The following NSRP1 variants were observed in gnomAD, a reference collection of about 807,000 sequenced individuals.
The protein encoded by NSRP1 is coiled-coil domain containing 55.
Under a neutral mutation model 54.7 loss-of-function variants are expected in NSRP1, and 24 were observed. That is an observed-to-expected ratio of 0.44 (90% confidence interval 0.32 to 0.62). The LOEUF is 0.62. NSRP1 is among the 20% of genes least tolerant of loss of function. The probability of loss-of-function intolerance (pLI) is 0.06; values close to 1 mark genes in which losing one functional copy is unlikely to be tolerated. For synonymous variants in NSRP1, 210 were observed against 213.8 expected (o/e 0.98, Z 0.15); for missense variants, 596 against 651.2 (o/e 0.92, Z 0.92).
At chr17:30,164,967 C>A (rs1218859303) in intron 2 of NSRP1, among the ~76,000 whole-genome samples, 4 of 152,048 alleles carry the variant, frequency 2.6e-5, no homozygotes, top group Non-Finnish European at 4.4e-5. Flanking sequence ...TTTTAAACAG[C>A]TGTTTTTCCC....
intron 2 of NSRP1, among the ~76,000 whole-genome samples, chr17:30,140,240 A>G (rs1189513592): frequency 6.6e-6 from 1 of 152,230 alleles, no homozygotes; most frequent in Non-Finnish European, 1.5e-5. Context: ...CTTTGATAAG[A>G]ATGTCGTTAG....
chr17:30,158,022 G>A (rs1176761851), intron 2 of NSRP1, among the ~76,000 whole-genome samples: 3 of 152,086 alleles, frequency 2.0e-5, no homozygotes, highest in African/African-American at 7.2e-5. Context: ...AGATTGCTGG[G>A]TCTTAATGGT....
intron 2 of NSRP1, among the ~76,000 whole-genome samples, chr17:30,139,084 A>T (rs969213707): frequency 6.6e-6 from 1 of 151,212 alleles, no homozygotes; most frequent in Admixed American, 6.6e-5. Flanking sequence ...TGCCTAGCTA[A>T]TATTTTGTAT....
At chr17:30,174,436 A>G (rs1386930932) in intron 3 of NSRP1, among the ~76,000 whole-genome samples, 2 of 152,186 alleles carry the variant, frequency 1.3e-5, no homozygotes, top group Admixed American at 6.6e-5. Context: ...GAAGAATACT[A>G]GCTTGATTGC....
At chr17:30,167,563 C>T (rs1413516984) in intron 2 of NSRP1, among the ~76,000 whole-genome samples, 4 of 151,742 alleles carry the variant, frequency 2.6e-5, no homozygotes, top group Non-Finnish European at 5.9e-5. Context: ...GAGCCGAGAT[C>T]GCACCACTGC....
chr17:30,168,962 C>T (rs1279010525), intron 2 of NSRP1: 6 of 151,884 alleles, frequency 4.0e-5, no homozygotes, highest in Non-Finnish European at 7.4e-5. Context: ...CTGTTGAATT[C>T]TAGGGATATA....
chr17:30,127,188 G>A (rs1286570453), intron 2 of NSRP1, among the ~76,000 whole-genome samples: 1 of 152,190 alleles, frequency 6.6e-6, no homozygotes, highest in African/African-American at 2.4e-5. Flanking sequence ...TATTTAATGA[G>A]TGTTAAGTGA....
chr17:30,165,241 G>T (rs1468896178), intron 2 of NSRP1, among the ~76,000 whole-genome samples: 1 of 152,176 alleles, frequency 6.6e-6, no homozygotes, highest in Non-Finnish European at 1.5e-5. Context: ...GTACAATTAA[G>T]TATCTTGATT....
chr17:30,119,009 A>G (rs963342448), intron 2 of NSRP1, among the ~76,000 whole-genome samples: 3 of 151,958 alleles, frequency 2.0e-5, no homozygotes, highest in African/African-American at 7.2e-5. Context: ...CAGCTTCCCA[A>G]AGTGCTGGGA....
At chr17:30,133,551 T>C (rs2071721474) in intron 2 of NSRP1, among the ~76,000 whole-genome samples, 1 of 152,202 alleles carries the variant, frequency 6.6e-6, no homozygotes. Context: ...TTTAGCATAA[T>C]TTTTAAGGGC....
chr17:30,117,161 C>A, intron 1 of NSRP1: 1 of 715,454 alleles, frequency 1.4e-6, no homozygotes, highest in East Asian at 2.6e-5. Context: ...AGTCTTGCTT[C>A]CTAACCCGCG....
chr17:30,176,143 TACTG>T (rs781275756), intron 3 of NSRP1, among the ~76,000 whole-genome samples: 2 of 152,032 alleles, frequency 1.3e-5, no homozygotes, highest in Non-Finnish European at 2.9e-5. Flanking sequence ...TCTGTTCTGT[TACTG>T]AGAGGCATAT....
intron 2 of NSRP1, among the ~76,000 whole-genome samples, chr17:30,147,423 C>G (rs549817067): frequency 6.6e-6 from 1 of 152,002 alleles, no homozygotes; most frequent in African/African-American, 2.4e-5. Flanking sequence ...AGCCACTGCA[C>G]TCGGCCAGAC....
Position 30,118,078 on chromosome 17 carries a change from AG to A in NSRP1, c.21del. ...TTTCTATTTCAAAAAAAATATATGC[AG>A]GTATGGGCTTATTTTGCCAAAGAAA... On this transcript the variant is annotated splice_acceptor_variant, in intron 1 of 6. Transcript: ENST00000247026. LOFTEE classifies it high-confidence loss of function. The A allele has an allele frequency of 6.2e-7, 1 of 1,609,946 alleles. No individual in the cohort carries two copies. Among genetic ancestry groups the A allele is most frequent in the African/African-American group, 1.3e-5 (1 of 74,828 alleles).
At chr17:30,170,057 T>G (rs1443129340) in intron 2 of NSRP1, among the ~76,000 whole-genome samples, 1 of 152,098 alleles carries the variant, frequency 6.6e-6, no homozygotes, top group Non-Finnish European at 1.5e-5. Flanking sequence ...AGATAACCCA[T>G]GTAGCCCTTG....
chr17:30,173,477 C>G (rs1272331502), intron 3 of NSRP1, among the ~76,000 whole-genome samples: 1 of 152,208 alleles, frequency 6.6e-6, no homozygotes, highest in South Asian at 2.1e-4. Flanking sequence ...AGATTTTCTG[C>G]TATAGAATGT....
intron 6 of NSRP1, among the ~76,000 whole-genome samples, chr17:30,183,285 G>A (rs1453017333): frequency 1.3e-5 from 2 of 151,182 alleles, no homozygotes; most frequent in Non-Finnish European, 3.0e-5. Flanking sequence ...GCTAAGGAAG[G>A]GAAGAGGTAG....
chr17:30,163,048 T>A (rs556692337), intron 2 of NSRP1: 12 of 150,344 alleles, frequency 8.0e-5, no homozygotes, highest in Non-Finnish European at 1.6e-4. Flanking sequence ...CCTGGCTAAT[T>A]TTTTTTTTGT....
chr17:30,154,375 A>G (rs984012002), intron 2 of NSRP1: 2 of 149,420 alleles, frequency 1.3e-5, no homozygotes, highest in Admixed American at 6.7e-5. Context: ...CCTTTCATGT[A>G]TCTCATAATA....
Sources: allele counts gnomAD v4.1 joint callset (sites outside exome capture counted in the v4.1 genomes callset), GRCh38; gene constraint gnomAD v4.1.1; transcripts MANE v1.5; gene names NCBI Gene and HGNC (gene_info 2026-07-23, HGNC 2026-07-21).